SH3D21: variants seen among roughly 807,000 people sequenced by gnomAD.
SH3D21 encodes the protein SH3 domain-containing protein 21.
A neutral mutation model predicts 82.1 loss-of-function variants in SH3D21; 83 were observed. The ratio of observed to expected loss-of-function variants is 1.01; its 90% CI spans 0.85 to 1.21. SH3D21 has a LOEUF of 1.21. Among genes scored for constraint, SH3D21 ranks in the 50% most tolerant of loss-of-function variants. The pLI is 0.00. For synonymous variants in SH3D21, 383 were observed against 387.8 expected, an observed-to-expected ratio of 0.99 and a Z score of 0.15; for missense variants, 980 against 962.1, an observed-to-expected ratio of 1.02 and a Z score of -0.25.
downstream of SH3D21, chr1:36,328,257 C>T: frequency 4.9e-6 from 2 of 408,592 alleles, no homozygotes; most frequent in East Asian, 1.4e-4. Context: ...GGACCCAGTG[C>T]AAACCCAAGC....
rs1282054104 is a variant in SH3D21, at chr1:36,320,642, T to A, written c.1979T>A (p.Ile660Asn). ...ERAFAQKTRP[I>N]KPPPDSQETL... is the part of the protein sequence containing the mutation. Reference sequence around the variant, plus strand: ...GCCTTTGCCCAAAAAACACGTCCTATCAAGCCGCCTCCAGACTCCCAAGAG... The same window carrying A: ...GCCTTTGCCCAAAAAACACGTCCTAACAAGCCGCCTCCAGACTCCCAAGAG... Residue 660 changes from isoleucine to asparagine, a missense_variant, in exon 14 of 16, where the codon ATC becomes AAC. Physicochemically the swap from Ile to Asn is moderately radical, Grantham distance 149. Coordinates refer to ENST00000453908, the MANE Select transcript of SH3D21 (RefSeq NM_001162530.2). 1.2e-6 allele frequency: 2 copies of A among 1,614,080 alleles called. No homozygotes were observed. Among genetic ancestry groups the A allele is most frequent in the Admixed American group, 1.7e-5 (1 of 60,008 alleles).
downstream of SH3D21, chr1:36,321,754 G>T: frequency 1.0e-6 from 1 of 1,004,438 alleles, no homozygotes; most frequent in Non-Finnish European, 1.2e-6. The surrounding 1 kb of genome is among the most constrained non-coding windows in gnomAD (Gnocchi z 6.1). Context: ...TGGGGACAGG[G>T]CGACGTGTGT....
At chr1:36,327,740 A>G (rs371353111), downstream of SH3D21, 8 of 1,229,764 alleles carry the variant, frequency 6.5e-6, no homozygotes, top group Admixed American at 7.9e-5. Flanking sequence ...TGGCCAAGCC[A>G]GGCCAGGTGG....
In SH3D21 at chr1:36,320,736, G is replaced by A. The variant is rs1316740950; in HGVS notation, c.2073G>A (p.Thr691=). The change falls in exon 14 of 16, where the codon ACG becomes ACA. Residue 691 remains threonine (T), a synonymous_variant. Coordinates refer to ENST00000453908, the MANE Select transcript of SH3D21 (RefSeq NM_001162530.2). ...TENKNEGVDV[T]SLRGEVESLR... is the part of the protein sequence containing the mutation. ...ACAAGAATGAAGGAGTTGATGTAACGTCGCTGAGGGGCGAGGTGGAGTCTC... is the reference window on the plus strand; with the variant it reads ...ACAAGAATGAAGGAGTTGATGTAACATCGCTGAGGGGCGAGGTGGAGTCTC... The A allele has an allele frequency of 1.2e-6, 2 of 1,610,130 alleles. No homozygotes were observed. The highest frequency in any genetic ancestry group is 1.1e-5 in the South Asian group (1 of 90,698).
rs1156716378 is a variant in SH3D21, at chr1:36,321,142, A to AG, written c.*18dup. 12 of 1,607,782 alleles carry AG rather than the reference A, an allele frequency of 7.5e-6. No individual in the cohort carries two copies. Among genetic ancestry groups the AG allele is most frequent in the Non-Finnish European group, 6.8e-6 (8 of 1,177,602 alleles). ...AGACCTACTGAGGGTGGGCCTGGGA[A>AG]GGGACCGCGGCCTGACCTGGCTGGG... On this transcript the variant is annotated 3_prime_UTR_variant, in exon 16 of 16. Coordinates refer to ENST00000453908, the MANE Select transcript of SH3D21 (RefSeq NM_001162530.2). The surrounding 1 kb of genome is among the most constrained non-coding windows in gnomAD (Gnocchi z 6.1).
At chr1:36,314,972 C>T (rs149588994) in intron 10 of SH3D21, among the ~76,000 whole-genome samples, 1,982 of 152,156 alleles carry the variant, frequency 0.013, 27 homozygotes, top group Middle Eastern at 0.027. Flanking sequence ...GGGATGAAAA[C>T]GGCCCTAGGC....
chr1:36,306,477 G>A lies in SH3D21; in HGVS notation c.4+53G>A. ...CTCTCTGCAACCGTGGACATAGCAA[G>A]AGCCCACACCACCCCCCGACCCCCG... On this transcript the variant is annotated intron_variant, in intron 1 of 15. Coordinates refer to ENST00000453908, the MANE Select transcript of SH3D21 (RefSeq NM_001162530.2). This position sits in a 1 kb window ranked among gnomAD's most constrained non-coding sequence, Gnocchi z 4.5. 1 of 1,305,252 alleles carries A rather than the reference G, an allele frequency of 7.7e-7. No homozygotes were observed. The highest frequency in any genetic ancestry group is 1.0e-6 in the Non-Finnish European group (1 of 988,948). The allele number at this position is 1,305,252 out of a possible 1,614,324, so 80.9% of individuals were successfully genotyped here.
chr1:36,319,861 G>A lies in SH3D21; in HGVS notation c.1198G>A (p.Gly400Arg), dbSNP rs777100405. The A allele has an allele frequency of 1.9e-6, 3 of 1,613,770 alleles. 1 individual carries two copies. Among genetic ancestry groups the A allele is most frequent in the Admixed American group, 1.7e-5 (1 of 59,966 alleles). ...TCTAGGGGACAAGGCCTCTATCCCA[G>A]GGAACTCCACCTCGGGGAAGATCCC... ...LTLGDKASIP[G>R]NSTSGKIPAP... The change falls in exon 14 of 16, where the codon GGG becomes AGG. Residue 400 changes from glycine to arginine, a missense_variant. Transcript: ENST00000453908.
At chr1:36,327,516 T>A (rs142962595), downstream of SH3D21, among the ~76,000 whole-genome samples, 1 of 152,244 alleles carries the variant, frequency 6.6e-6, no homozygotes, top group African/African-American at 2.4e-5. Context: ...TCAAGCTGTT[T>A]CCATGCACCT....
At chr1:36,313,377 G>C (rs1438206243) in intron 10 of SH3D21, among the ~76,000 whole-genome samples, 1 of 147,164 alleles carries the variant, frequency 6.8e-6, no homozygotes, top group Non-Finnish European at 1.5e-5. Flanking sequence ...ATCTTTCCTT[G>C]CAAGCTGGTA....
intron 10 of SH3D21, among the ~76,000 whole-genome samples, chr1:36,313,046 C>T (rs1022347677): frequency 1.3e-5 from 2 of 152,046 alleles, no homozygotes; most frequent in African/African-American, 4.8e-5. Flanking sequence ...GGGAATGGGC[C>T]AGGCTTGGTG....
intron 10 of SH3D21, among the ~76,000 whole-genome samples, chr1:36,314,883 A>C (rs1646312602): frequency 6.6e-6 from 1 of 152,144 alleles, no homozygotes; most frequent in Non-Finnish European, 1.5e-5. Flanking sequence ...AGCTGCCTTC[A>C]ACTTAGCCAG....
chr1:36,311,497 C>T (rs1646241015), intron 10 of SH3D21, among the ~76,000 whole-genome samples: 1 of 152,224 alleles, frequency 6.6e-6, no homozygotes, highest in Non-Finnish European at 1.5e-5. Flanking sequence ...GCCTTGGCCT[C>T]CCAAAGTGCT....
Position 36,320,423 on chromosome 1 carries a change from C to T in SH3D21, c.1760C>T (p.Thr587Ile). ...EKPHPHEEAT[T>I]LPEEAPSNDE... Reference sequence around the variant, plus strand: ...CCCCACCCCCACGAAGAGGCTACAACCCTTCCAGAGGAGGCACCTTCCAAT... The same window carrying T: ...CCCCACCCCCACGAAGAGGCTACAATCCTTCCAGAGGAGGCACCTTCCAAT... Residue 587 changes from threonine (T) to isoleucine (I), a missense_variant, in exon 14 of 16, where the codon ACC becomes ATC. Thr to Ile is a moderately conservative substitution (Grantham distance 89). Coordinates refer to ENST00000453908, the MANE Select transcript of SH3D21 (RefSeq NM_001162530.2). 1.9e-6 allele frequency: 3 copies of T among 1,613,352 alleles called. No individual in the cohort carries two copies. Among genetic ancestry groups the T allele is most frequent in the Non-Finnish European group, 2.5e-6 (3 of 1,179,784 alleles).
chr1:36,307,621 TCTGTGACC>T lies in SH3D21; in HGVS notation c.436+22_436+29del. 2 of 1,550,974 alleles carry T rather than the reference TCTGTGACC, an allele frequency of 1.3e-6. No homozygotes were observed. The highest frequency in any genetic ancestry group is 1.4e-5 in the African/African-American group (1 of 73,128). ...GTGGGCCCCCAAGTGAGACCTCGACTCTGTGACCCTGTGACTCGCAATCTCCAATGACC... is the reference window on the plus strand; with the variant it reads ...GTGGGCCCCCAAGTGAGACCTCGACTCTGTGACTCGCAATCTCCAATGACC... On this transcript the variant is annotated intron_variant, in intron 5 of 15. Transcript: ENST00000453908. The surrounding 1 kb of genome is among the most constrained non-coding windows in gnomAD (Gnocchi z 5.4).
At chr1:36,322,675 G>A (rs888540820), downstream of SH3D21, 6 of 1,547,358 alleles carry the variant, frequency 3.9e-6, no homozygotes, top group African/African-American at 8.2e-5. Context: ...GTGAGCAGCA[G>A]GCCGAAGCAG....
chr1:36,306,407 G>C lies in SH3D21; in HGVS notation c.-14G>C. ...AGAGGGAGCTGCCAGGCTCTGGAGG[G>C]CGCCCCGGAAACCATGGGTAAGTGC... On this transcript the variant is annotated 5_prime_UTR_variant, in exon 1 of 16. Coordinates refer to ENST00000453908, the MANE Select transcript of SH3D21 (RefSeq NM_001162530.2). The surrounding 1 kb of genome is among the most constrained non-coding windows in gnomAD (Gnocchi z 4.5). The C allele has an allele frequency of 7.7e-7, 1 of 1,305,430 alleles. No individual in the cohort carries two copies. Among genetic ancestry groups the C allele is most frequent in the Non-Finnish European group, 1.0e-6 (1 of 988,970 alleles). 80.9% of individuals were successfully genotyped at this position (1,305,430 alleles called of 1,614,324 possible).
chr1:36,307,273 A>T lies in SH3D21; in HGVS notation c.333A>T (p.Glu111Asp), dbSNP rs1413027286. ...AGCTGCAAGCTGGGGAGATCGTGGA[A>T]ATGATAAAGGAGGTGAGGGGTGAGG... ...ELKLQAGEIV[E>D]MIKEIEDGWW... The change falls in exon 4 of 16, where the codon GAA (glutamate) becomes GAT (aspartate). Residue 111 changes from glutamate to aspartate, a missense_variant. Physicochemically the swap from Glu to Asp is conservative, Grantham distance 45. Coordinates refer to ENST00000453908, the MANE Select transcript of SH3D21 (RefSeq NM_001162530.2). The surrounding 1 kb of genome is among the most constrained non-coding windows in gnomAD (Gnocchi z 5.4). 6.4e-7 allele frequency: 1 copy of T among 1,551,824 alleles called. No homozygotes were observed. The highest frequency in any genetic ancestry group is 1.2e-5 in the South Asian group (1 of 84,066).
At chr1:36,322,482 G>A, downstream of SH3D21, 3 of 1,604,198 alleles carry the variant, frequency 1.9e-6, no homozygotes, top group Non-Finnish European at 2.5e-6. Flanking sequence ...GGGCCCGTCC[G>A]GCTCTGCGGA....
Sources: allele counts gnomAD v4.1 joint callset (sites outside exome capture counted in the v4.1 genomes callset), GRCh38; gene constraint gnomAD v4.1.1; non-coding constraint Gnocchi (gnomAD v3.1); transcripts MANE v1.5; gene names NCBI Gene and HGNC (gene_info 2026-07-23, HGNC 2026-07-21).